Variants in PREX2 observed in about 807,000 individuals in gnomAD.
PREX2 encodes the protein phosphatidylinositol-3,4,5-trisphosphate dependent Rac exchange factor 2.
A neutral mutation model predicts 203.2 loss-of-function variants in PREX2; 107 were observed. The ratio of observed to expected loss-of-function variants is 0.53; its 90% CI spans 0.45 to 0.62. The LOEUF (loss-of-function observed/expected upper bound fraction) is 0.62. PREX2 is among the 20% of genes least tolerant of loss of function. The pLI, the probability that PREX2 is intolerant of heterozygous loss-of-function variation, is 0.00. For missense variants in PREX2, 1,777 were observed against 1,955.9 expected (o/e 0.91, Z 1.72); for synonymous variants, 672 against 663.6 (o/e 1.01, Z -0.19).
intron 1 of PREX2, among the ~76,000 whole-genome samples, chr8:67,959,426 A>G (rs1223109165): frequency 6.6e-6 from 1 of 152,156 alleles, no homozygotes; most frequent in Non-Finnish European, 1.5e-5. Context: ...TTTGGTGGTA[A>G]CTGCGAGGAG....
At chr8:68,020,105 C>T (rs1179617249) in intron 3 of PREX2, among the ~76,000 whole-genome samples, 1 of 147,284 alleles carries the variant, frequency 6.8e-6, no homozygotes, top group East Asian at 2.0e-4. Flanking sequence ...TTGAATAAAC[C>T]CAGTAGCAGG....
In PREX2 at chr8:68,039,412, C is replaced by G. The variant is rs577453478; in HGVS notation, c.839+1120C>G. ...TTCTCTTTAATGTTATTATACCCCA[C>G]TCTCTTGGCTGGATATTGGAGTGCT... On this transcript the variant is annotated intron_variant, in intron 7 of 39. Transcript: ENST00000288368. Among the ~76,000 whole-genome samples, 462 of 152,308 alleles carry G rather than the reference C, an allele frequency of 3.0e-3. 4 individuals are homozygous for G. The highest frequency in any genetic ancestry group is 5.0e-3 in the Non-Finnish European group (342 of 68,026).
intron 35 of PREX2, among the ~76,000 whole-genome samples, chr8:68,170,413 C>A (rs1355752031): frequency 6.6e-6 from 1 of 152,250 alleles, no homozygotes; most frequent in Non-Finnish European, 1.5e-5. Flanking sequence ...GGCCACATGG[C>A]TGGCCTGACC....
At chr8:67,983,310 T>G (rs1160118399) in intron 1 of PREX2, among the ~76,000 whole-genome samples, 2 of 63,180 alleles carry the variant, frequency 3.2e-5, no homozygotes, top group East Asian at 2.4e-3. Context: ...AAAAGAGACC[T>G]GCAGATGCAG....
At chr8:67,979,530 C>T (rs1304678231) in intron 1 of PREX2, among the ~76,000 whole-genome samples, 1 of 152,090 alleles carries the variant, frequency 6.6e-6, no homozygotes, top group Non-Finnish European at 1.5e-5. Context: ...ACGCCAGACT[C>T]TTTTTTTCTC....
intron 38 of PREX2, among the ~76,000 whole-genome samples, chr8:68,220,680 GA>G (rs896673196): frequency 7.9e-5 from 12 of 152,234 alleles, no homozygotes; most frequent in Admixed American, 7.8e-4. Context: ...CAAATGAGTA[GA>G]CTGAGCCCCT....
chr8:68,097,418 G>A (rs1810118452), intron 22 of PREX2, among the ~76,000 whole-genome samples: 1 of 151,444 alleles, frequency 6.6e-6, no homozygotes, highest in African/African-American at 2.4e-5. Context: ...TCTGCCTCCC[G>A]GGTTCAAGCA....
chr8:68,113,469 G>C (rs1377029751), intron 25 of PREX2, among the ~76,000 whole-genome samples: 1 of 152,212 alleles, frequency 6.6e-6, no homozygotes, highest in Non-Finnish European at 1.5e-5. Context: ...TTTGGGTGGA[G>C]AGGGTGAATA....
intron 1 of PREX2, among the ~76,000 whole-genome samples, chr8:67,982,842 T>C (rs1041372432): frequency 1.3e-5 from 2 of 152,226 alleles, no homozygotes; most frequent in African/African-American, 4.8e-5. Flanking sequence ...TCTATGACAT[T>C]AATGATTTCC....
At chr8:67,975,743 G>A (rs1283588786) in intron 1 of PREX2, among the ~76,000 whole-genome samples, 7 of 109,556 alleles carry the variant, frequency 6.4e-5, no homozygotes, top group South Asian at 3.2e-4. Context: ...TGGCTCTGTC[G>A]CCAAGACTGG....
chr8:68,136,137 A>G (rs1157095507), intron 32 of PREX2, among the ~76,000 whole-genome samples: 1 of 152,196 alleles, frequency 6.6e-6, no homozygotes, highest in African/African-American at 2.4e-5. Context: ...GTTGATAAAA[A>G]TATTCTAAAG....
At chr8:68,175,935 A>G (rs1811971191) in intron 35 of PREX2, among the ~76,000 whole-genome samples, 1 of 152,130 alleles carries the variant, frequency 6.6e-6, no homozygotes, top group African/African-American at 2.4e-5. Context: ...CTATTTAAAT[A>G]TTAAGACATT....
chr8:68,212,681 A>C (rs906790760), intron 37 of PREX2, among the ~76,000 whole-genome samples: 1 of 152,182 alleles, frequency 6.6e-6, no homozygotes, highest in African/African-American at 2.4e-5. Flanking sequence ...GCCTCTTCAA[A>C]TTATAACAAC....
At chr8:68,195,064 G>A (rs1413069960) in intron 37 of PREX2, among the ~76,000 whole-genome samples, 2 of 152,178 alleles carry the variant, frequency 1.3e-5, no homozygotes, top group Non-Finnish European at 2.9e-5. Flanking sequence ...GAAACTATAA[G>A]CACCTACTCT....
At chr8:68,160,986 A>G (rs879810863) in intron 35 of PREX2, among the ~76,000 whole-genome samples, 2 of 152,218 alleles carry the variant, frequency 1.3e-5, no homozygotes, top group Non-Finnish European at 2.9e-5. Context: ...ATTTTAATAA[A>G]ACCTTATAAA....
In PREX2 at chr8:68,121,104, C is replaced by A. The variant is rs919932536; in HGVS notation, c.3724+55C>A. ...GATATTAGCAATAATCAATTTAAAA[C>A]CCACTAAAACCAAAAGTTTGGTAAT... On this transcript the variant is annotated intron_variant, in intron 30 of 39. Transcript: ENST00000288368. The A allele has an allele frequency of 3.2e-6, 5 of 1,572,444 alleles. No homozygotes were observed. The African/African-American group carries it at 5.5e-5, about 17-fold the overall frequency.
At position 68,146,191 on chromosome 8, in the gene PREX2, T is replaced by A; in HGVS notation, c.4088-18T>A. On this transcript the variant is annotated intron_variant, in intron 33 of 39. Coordinates refer to ENST00000288368, the MANE Select transcript of PREX2 (RefSeq NM_024870.4). ...ATCCTTATTTTAGGAAGTAATATAC[T>A]ATTAAATATCATTTTAGATGTTCCT... 6.3e-7 allele frequency: 1 copy of A among 1,577,394 alleles called. No individual in the cohort carries two copies. Among genetic ancestry groups the A allele is most frequent in the South Asian group, 1.1e-5 (1 of 89,034 alleles).
At chr8:68,178,921 TTAA>T (rs1812033753) in intron 35 of PREX2, among the ~76,000 whole-genome samples, 1 of 152,212 alleles carries the variant, frequency 6.6e-6, no homozygotes, top group Non-Finnish European at 1.5e-5. Flanking sequence ...TCTAATTTAG[TTAA>T]TAATGTTAAA....
intron 20 of PREX2, among the ~76,000 whole-genome samples, chr8:68,092,891 C>T (rs895078286): frequency 3.9e-5 from 6 of 152,076 alleles, no homozygotes; most frequent in East Asian, 1.9e-4. Context: ...TGGGCTCAAG[C>T]GATCCTCCCA....
Sources: allele counts gnomAD v4.1 joint callset (sites outside exome capture counted in the v4.1 genomes callset), GRCh38; gene constraint gnomAD v4.1.1; transcripts MANE v1.5; gene names NCBI Gene and HGNC (gene_info 2026-07-23, HGNC 2026-07-21).